Variants in EYS observed in about 807,000 individuals in gnomAD.
The protein encoded by EYS is protein eyes shut homolog.
EYS carries 250 observed loss-of-function variants against 282.1 expected under a neutral mutation model. The ratio of observed to expected loss-of-function variants is 0.89; its 90% CI spans 0.80 to 0.98. The LOEUF is 0.98. Ranked by LOEUF, EYS falls within the 50% of genes least tolerant of loss-of-function variation. The pLI, the probability that EYS is intolerant of heterozygous loss-of-function variation, is 0.00. For missense variants in EYS, 4,016 were observed against 3,709.0 expected (o/e 1.08, Z -2.15); for synonymous variants, 1,355 against 1,282.9 (o/e 1.06, Z -1.20).
At position 65,470,070 on chromosome 6, in the gene EYS, T is replaced by C. The variant is rs563785507; in HGVS notation, c.862+20524A>G. Among the ~76,000 whole-genome samples, 126 of 152,296 alleles carry C rather than the reference T, an allele frequency of 8.3e-4. 1 individual carries two copies. The highest frequency in any genetic ancestry group is 1.4e-3 in the Non-Finnish European group (98 of 67,994). On this transcript the variant is annotated intron_variant, in intron 5 of 42. Coordinates refer to ENST00000503581, the MANE Select transcript of EYS (RefSeq NM_001142800.2). ...GGAGTTTATGGTAATACCATCTTCC[T>C]TAAAATGTGCTTACTTTAAAGGACC...
At chr6:64,054,666 C>T (rs946129673) in intron 33 of EYS, among the ~76,000 whole-genome samples, 24 of 152,184 alleles carry the variant, frequency 1.6e-4, no homozygotes, top group African/African-American at 5.3e-4. Flanking sequence ...GTAAAATGGC[C>T]TAGGTAGTAA....
chr6:65,078,982 C>T (rs1268787954), intron 12 of EYS, among the ~76,000 whole-genome samples: 4 of 151,610 alleles, frequency 2.6e-5, no homozygotes, highest in Admixed American at 2.0e-4. Flanking sequence ...AAGCTTCATG[C>T]GTCCTCCCCA....
chr6:64,436,774 G>T (rs760980625), intron 27 of EYS, among the ~76,000 whole-genome samples: 9 of 151,792 alleles, frequency 5.9e-5, no homozygotes, highest in South Asian at 2.1e-4. Context: ...ACTAAGTTAT[G>T]ATCTAGAGAG....
Position 63,968,449 on chromosome 6 carries a change from C to CT in EYS, c.7055+15933dup, listed in dbSNP as rs1237185187. On this transcript the variant is annotated intron_variant, in intron 35 of 42. Coordinates refer to ENST00000503581, the MANE Select transcript of EYS (RefSeq NM_001142800.2). ...GAAAATGCAGGGGTATGTGTGGAAACTTTCTTTTTTTCTTACTCCAAAAAG... is the reference window on the plus strand; with the variant it reads ...GAAAATGCAGGGGTATGTGTGGAAACTTTTCTTTTTTTCTTACTCCAAAAAG... Among the ~76,000 whole-genome samples, 21 of 151,366 alleles carry CT rather than the reference C, an allele frequency of 1.4e-4. 1 individual carries two copies. Among genetic ancestry groups the CT allele is most frequent in the Admixed American group, 1.2e-3 (18 of 15,170 alleles).
chr6:65,042,213 A>G (rs1169932965), intron 13 of EYS, among the ~76,000 whole-genome samples: 1 of 151,500 alleles, frequency 6.6e-6, no homozygotes, highest in East Asian at 1.9e-4. Flanking sequence ...TTTGAACAGT[A>G]TATCTGTCTT....
chr6:64,434,499 C>A (rs891133199), intron 28 of EYS, among the ~76,000 whole-genome samples: 2 of 152,044 alleles, frequency 1.3e-5, no homozygotes, highest in Admixed American at 6.6e-5. Context: ...CTGGACACAT[C>A]ATTTATAACT....
At chr6:64,494,668 G>C (rs759018261) in intron 26 of EYS, among the ~76,000 whole-genome samples, 1 of 151,500 alleles carries the variant, frequency 6.6e-6, no homozygotes, top group Non-Finnish European at 1.5e-5. Flanking sequence ...AGTTCCACTT[G>C]GTGTAACAGT....
At chr6:64,018,989 G>A (rs777045640) in intron 33 of EYS, among the ~76,000 whole-genome samples, 3 of 151,978 alleles carry the variant, frequency 2.0e-5, no homozygotes, top group Non-Finnish European at 2.9e-5. Context: ...TGGCCAGACT[G>A]GTCTTGAACT....
intron 2 of EYS, among the ~76,000 whole-genome samples, chr6:65,513,265 C>T (rs1305831442): frequency 6.6e-6 from 1 of 152,054 alleles, no homozygotes; most frequent in Non-Finnish European, 1.5e-5. Context: ...CTGAATAGAC[C>T]AATAACAGGC....
chr6:65,414,000 T>C (rs1767130280), intron 5 of EYS, among the ~76,000 whole-genome samples: 1 of 152,186 alleles, frequency 6.6e-6, no homozygotes, highest in South Asian at 2.1e-4. Context: ...AAGCTCTACT[T>C]GGGCAGGTAA....
intron 2 of EYS, among the ~76,000 whole-genome samples, chr6:65,558,754 A>C (rs1156784129): frequency 2.6e-5 from 4 of 152,230 alleles, no homozygotes; most frequent in Non-Finnish European, 5.9e-5. Flanking sequence ...CTGTCATGTC[A>C]TTTATTCTGC....
chr6:64,350,654 G>C (rs1439766822), intron 29 of EYS, among the ~76,000 whole-genome samples: 1 of 151,566 alleles, frequency 6.6e-6, no homozygotes, highest in Non-Finnish European at 1.5e-5. Context: ...CTCTAAGAAG[G>C]ATTCAGCGTA....
intron 5 of EYS, among the ~76,000 whole-genome samples, chr6:65,487,567 T>A (rs1016342669): frequency 2.0e-5 from 3 of 152,204 alleles, no homozygotes; most frequent in African/African-American, 7.2e-5. Flanking sequence ...GCTGCTGGAT[T>A]CTCCTTGCCA....
intron 2 of EYS, among the ~76,000 whole-genome samples, chr6:65,624,830 AT>A (rs1766640670): frequency 6.6e-6 from 1 of 152,142 alleles, no homozygotes; most frequent in African/African-American, 2.4e-5. Flanking sequence ...GAGACTAAAG[AT>A]TGCACTGTTG....
chr6:65,465,554 A>G (rs1359202823), intron 5 of EYS, among the ~76,000 whole-genome samples: 1 of 152,176 alleles, frequency 6.6e-6, no homozygotes, highest in African/African-American at 2.4e-5. Context: ...GAAGGGTAAC[A>G]TAAGTTAGAA....
intron 31 of EYS, among the ~76,000 whole-genome samples, chr6:64,192,214 A>T (rs900371957): frequency 9.3e-5 from 14 of 150,004 alleles, no homozygotes; most frequent in African/African-American, 2.7e-4. Flanking sequence ...AGATCATTGT[A>T]GATTCTGGAT....
chr6:64,199,607 C>T (rs1315978925), intron 31 of EYS, among the ~76,000 whole-genome samples: 1 of 152,114 alleles, frequency 6.6e-6, no homozygotes, highest in Non-Finnish European at 1.5e-5. Flanking sequence ...AGCTTCTGCA[C>T]AGCAAAAGAA....
At chr6:64,420,992 G>A (rs904142835) in intron 28 of EYS, among the ~76,000 whole-genome samples, 10 of 151,886 alleles carry the variant, frequency 6.6e-5, no homozygotes, top group Admixed American at 2.0e-4. Context: ...CTTCAAAGTC[G>A]CTTCCACATT....
intron 31 of EYS, among the ~76,000 whole-genome samples, chr6:64,226,719 T>A (rs1351403647): frequency 2.6e-5 from 4 of 152,146 alleles, no homozygotes; most frequent in Admixed American, 2.6e-4. Context: ...AAAGAGCATA[T>A]TAAATCAAAC....
Sources: allele counts gnomAD v4.1 joint callset (sites outside exome capture counted in the v4.1 genomes callset), GRCh38; gene constraint gnomAD v4.1.1; transcripts MANE v1.5; gene names NCBI Gene and HGNC (gene_info 2026-07-23, HGNC 2026-07-21).